The following VPS26C variants were observed in gnomAD, a reference collection of about 807,000 sequenced individuals.
VPS26C encodes VPS26 endosomal protein sorting factor C.
In VPS26C, 19 loss-of-function variants were observed where a neutral mutation model predicts 30.6. That is an observed-to-expected ratio of 0.62 (90% CI 0.43 to 0.91). The LOEUF (loss-of-function observed/expected upper bound fraction) is 0.91, where lower values mean the gene tolerates loss of function less well. VPS26C is among the 40% of genes least tolerant of loss of function. VPS26C has a pLI of 0.00. For missense variants in VPS26C, 318 were observed against 385.1 expected, an observed-to-expected ratio of 0.83 and a Z score of 1.46; for synonymous variants, 132 against 151.5, an observed-to-expected ratio of 0.87 and a Z score of 0.95.
At chr21:37,251,639 G>C (rs1207253048) in intron 1 of VPS26C, among the ~76,000 whole-genome samples, 1 of 152,180 alleles carries the variant, frequency 6.6e-6, no homozygotes, top group Non-Finnish European at 1.5e-5. Context: ...TGAATAGGGT[G>C]GGTGAGGCAG....
rs2085870930 is a variant in VPS26C, at chr21:37,223,683, A to C, written c.*1861T>G. The C allele has an allele frequency of 1.3e-5, 2 of 152,246 alleles. No homozygotes were observed. Among genetic ancestry groups the C allele is most frequent in the Non-Finnish European group, 2.9e-5 (2 of 68,044 alleles). 9.4% of individuals were successfully genotyped at this position (152,246 alleles called of 1,614,324 possible). A position where few individuals can be genotyped will look rare whatever the true frequency, so the allele number is the denominator to read the frequency against. ...ATGTGTTTTCTGGGAACCAAGTTTC[A>C]AGTGACTCAGATAAGTTTTATTAAT... On this transcript the variant is annotated 3_prime_UTR_variant, in exon 8 of 8. Transcript: ENST00000309117.
intron 1 of VPS26C, 79 bp downstream of exon 1, chr21:37,267,159 G>T (rs2086374222): frequency 1.6e-6 from 2 of 1,273,548 alleles, no homozygotes; most frequent in Admixed American, 2.0e-5. Flanking sequence ...GACGCGGGAC[G>T]TGCGCAGAGC....
At chr21:37,258,606 T>A (rs1243170793) in intron 1 of VPS26C, among the ~76,000 whole-genome samples, 1 of 152,104 alleles carries the variant, frequency 6.6e-6, no homozygotes, top group Admixed American at 6.5e-5. Flanking sequence ...GTTTCGGGCC[T>A]AAGAGAGGGC....
At position 37,238,488 on chromosome 21, in the gene VPS26C, GTC is replaced by G; in HGVS notation, c.321_322del (p.Glu107AspfsTer16). Reference sequence around the variant, plus strand: ...AATGTTGACAAACACGCCATGATACGTCTCATACAGAACTTTGTTACCCTTCA... The same window carrying G: ...AATGTTGACAAACACGCCATGATACGTCATACAGAACTTTGTTACCCTTCA... On this transcript the variant is annotated frameshift_variant, in exon 3 of 8. Coordinates refer to ENST00000309117, the MANE Select transcript of VPS26C (RefSeq NM_006052.2). LOFTEE classifies it high-confidence loss of function. 6.2e-7 allele frequency: 1 copy of G among 1,614,092 alleles called. No homozygotes were observed. The highest frequency in any genetic ancestry group is 8.5e-7 in the Non-Finnish European group (1 of 1,180,016).
intron 1 of VPS26C, among the ~76,000 whole-genome samples, chr21:37,245,761 G>A (rs1485476039): frequency 6.6e-6 from 1 of 152,080 alleles, no homozygotes; most frequent in Non-Finnish European, 1.5e-5. Context: ...AATGGTGAAT[G>A]TGCATTTCAC....
intron 1 of VPS26C, among the ~76,000 whole-genome samples, chr21:37,245,617 T>C (rs2086130215): frequency 6.6e-6 from 1 of 152,212 alleles, no homozygotes; most frequent in Non-Finnish European, 1.5e-5. Flanking sequence ...TTTTATTTAT[T>C]GTCTGTCTCC....
At chr21:37,237,620 A>G (rs1487015172) in intron 3 of VPS26C, 1 of 152,248 alleles carries the variant, frequency 6.6e-6, no homozygotes, top group African/African-American at 2.4e-5. Flanking sequence ...GATGTACATC[A>G]TACTACATGT....
rs79135244 is a variant in VPS26C at position 37,225,182 on chromosome 21, C to A, written c.*362G>T. On this transcript the variant is annotated 3_prime_UTR_variant, in exon 8 of 8. Transcript: ENST00000309117. ...CATCCATTAGCAAGTCAGAGGTTTC[C>A]TTTTGTCCCCATGATGCCACTCTCC... 1 of 260,946 alleles carries A rather than the reference C, an allele frequency of 3.8e-6. No individual in the cohort carries two copies. The highest frequency in any genetic ancestry group is 4.4e-5 in the Admixed American group (1 of 22,496). The allele number at this position is 260,946 out of a possible 1,614,324, so 16.2% of individuals were successfully genotyped here. A position where few individuals can be genotyped will look rare whatever the true frequency, so the allele number is the denominator to read the frequency against.
rs183728900 is a variant in VPS26C at position 37,250,041 on chromosome 21, C to T, written c.58-9402G>A. The stretch of plus-strand genomic sequence containing the variant: ...AAGTTGGGCCGGGCAGGGTGGCTCA[C>T]GCCTGTAATCCCAGCACTTTGGGAG... On this transcript the variant is annotated intron_variant, in intron 1 of 7. Coordinates refer to ENST00000309117, the MANE Select transcript of VPS26C (RefSeq NM_006052.2). Among the ~76,000 whole-genome samples, 584 of 152,328 alleles carry T rather than the reference C, an allele frequency of 3.8e-3. 8 individuals are homozygous for T. Among genetic ancestry groups the T allele is most frequent in the African/African-American group, 0.013 (529 of 41,574 alleles).
At chr21:37,266,358 A>T (rs1602294184) in intron 1 of VPS26C, among the ~76,000 whole-genome samples, 1 of 152,136 alleles carries the variant, frequency 6.6e-6, no homozygotes, top group Non-Finnish European at 1.5e-5. Flanking sequence ...CCCTTTTGAG[A>T]TTACTTTGCA....
rs113813907 is a variant in VPS26C at position 37,238,787 on chromosome 21, T to G, written c.202-178A>C. Among the ~76,000 whole-genome samples the G allele has an allele frequency of 9.1e-4, 138 of 152,290 alleles. 1 individual carries two copies. Among genetic ancestry groups the G allele is most frequent in the Middle Eastern group, 3.4e-3 (1 of 294 alleles). Reference sequence around the variant, plus strand: ...GTGACTTGGCTCTGCTTTTTAAGACTCTGGCACAATAATGATTCATTTACA... The same window carrying G: ...GTGACTTGGCTCTGCTTTTTAAGACGCTGGCACAATAATGATTCATTTACA... On this transcript the variant is annotated intron_variant, in intron 2 of 7. Transcript: ENST00000309117.
intron 1 of VPS26C, among the ~76,000 whole-genome samples, chr21:37,253,382 G>C (rs2086213241): frequency 6.6e-6 from 1 of 152,184 alleles, no homozygotes; most frequent in Non-Finnish European, 1.5e-5. Context: ...GTAAAACATA[G>C]CTGGTTCCTT....
intron 3 of VPS26C, chr21:37,238,134 A>T (rs2086044126): frequency 3.9e-6 from 1 of 257,796 alleles, no homozygotes; most frequent in Non-Finnish European, 7.3e-6. Flanking sequence ...AGTTAATGCT[A>T]GTGCCAGAAA....
In VPS26C at chr21:37,226,033, T is replaced by A; in HGVS notation, c.812-407A>T. 1 of 190,730 alleles carries A rather than the reference T, an allele frequency of 5.2e-6. No individual in the cohort carries two copies. The highest frequency in any genetic ancestry group is 1.1e-5 in the Non-Finnish European group (1 of 89,538). 11.8% of individuals were successfully genotyped at this position (190,730 alleles called of 1,614,324 possible). A position where few individuals can be genotyped will look rare whatever the true frequency, so the allele number is the denominator to read the frequency against. On this transcript the variant is annotated intron_variant, in intron 7 of 7. Transcript: ENST00000309117. The surrounding 1 kb of genome is among the most constrained non-coding windows in gnomAD (Gnocchi z 4.1). Reference sequence around the variant, plus strand: ...GACTGTGAACCAGCGCATAGCTGTCTGGGCCCATGTCCCCAATCCCCAGGT... The same window carrying A: ...GACTGTGAACCAGCGCATAGCTGTCAGGGCCCATGTCCCCAATCCCCAGGT...
chr21:37,267,480 C>G (rs1602295705), upstream of VPS26C: 1 of 605,138 alleles, frequency 1.7e-6, no homozygotes, highest in South Asian at 2.0e-5. Context: ...CTTCCTCCTT[C>G]CGGCACAAGA....
chr21:37,242,761 G>A (rs1020541229), intron 1 of VPS26C, among the ~76,000 whole-genome samples: 2 of 152,092 alleles, frequency 1.3e-5, no homozygotes, highest in Admixed American at 6.5e-5. Context: ...TCAGTCTCAC[G>A]GGAACAGGTC....
upstream of VPS26C, chr21:37,267,336 A>AC: frequency 6.3e-7 from 1 of 1,590,806 alleles, no homozygotes; most frequent in Non-Finnish European, 8.6e-7. Flanking sequence ...GCTGCGCGTG[A>AC]CCCCAGGGAA....
In VPS26C at chr21:37,225,264, G is replaced by C; in HGVS notation, c.*280C>G. On this transcript the variant is annotated 3_prime_UTR_variant, in exon 8 of 8. Coordinates refer to ENST00000309117, the MANE Select transcript of VPS26C (RefSeq NM_006052.2). ...ACTGTACCTAAAAAGGAACAGATAA[G>C]GCAAGAGCCACAGTCAATGTTTTCT... The C allele has an allele frequency of 2.1e-6, 1 of 479,978 alleles. No individual in the cohort carries two copies. Among genetic ancestry groups the C allele is most frequent in the South Asian group, 2.6e-5 (1 of 38,540 alleles). The allele number at this position is 479,978 out of a possible 1,614,324, so 29.7% of individuals were successfully genotyped here.
At chr21:37,265,705 T>G (rs1373620641) in intron 1 of VPS26C, among the ~76,000 whole-genome samples, 2 of 152,128 alleles carry the variant, frequency 1.3e-5, no homozygotes, top group Admixed American at 1.3e-4. Context: ...GGATATTCCT[T>G]ATTGTTTCCT....
Sources: allele counts gnomAD v4.1 joint callset (sites outside exome capture counted in the v4.1 genomes callset), GRCh38; gene constraint gnomAD v4.1.1; non-coding constraint Gnocchi (gnomAD v3.1); transcripts MANE v1.5; gene names NCBI Gene and HGNC (gene_info 2026-07-23, HGNC 2026-07-21).